TEAD4: variants seen among roughly 807,000 people sequenced by gnomAD.
TEAD4 encodes the protein TEA domain transcription factor 4, also known as transcriptional enhancer factor TEF-3.
Under a neutral mutation model 52.4 loss-of-function variants are expected in TEAD4, and 36 were observed. The ratio of observed to expected loss-of-function variants is 0.69; its 90% CI spans 0.53 to 0.91. The LOEUF is 0.91. Among genes scored for constraint, TEAD4 ranks in the 40% least tolerant of loss-of-function variants. The probability of loss-of-function intolerance (pLI) is 0.00; values close to 1 mark genes in which losing one functional copy is unlikely to be tolerated. For synonymous variants in TEAD4, 220 were observed against 231.0 expected, an observed-to-expected ratio of 0.95 and a Z score of 0.43; for missense variants, 508 against 583.9, an observed-to-expected ratio of 0.87 and a Z score of 1.34.
intron 10 of TEAD4, among the ~76,000 whole-genome samples, chr12:3,026,371 T>C (rs1490248553): frequency 6.6e-6 from 1 of 152,258 alleles, no homozygotes; most frequent in Non-Finnish European, 1.5e-5. Context: ...TAAATAGTTT[T>C]TCTTTCACAT....
chr12:2,980,957 C>T (rs2098233672), intron 2 of TEAD4, among the ~76,000 whole-genome samples: 1 of 152,132 alleles, frequency 6.6e-6, no homozygotes, highest in Admixed American at 6.6e-5. Context: ...CTCTTACTGG[C>T]TTTGGGCTGG....
In TEAD4 at chr12:3,017,383, C is replaced by T. The variant is rs1389596537; in HGVS notation, c.355-15C>T. ...GTGACCCTGCTGAGGTCCTCCCTTGCAATGTCTCCCCCAGGACCAGGCAGC... is the reference window on the plus strand; with the variant it reads ...GTGACCCTGCTGAGGTCCTCCCTTGTAATGTCTCCCCCAGGACCAGGCAGC... On this transcript the variant is annotated splice_polypyrimidine_tract_variant and intron_variant, in intron 5 of 12. Coordinates refer to ENST00000359864, the MANE Select transcript of TEAD4 (RefSeq NM_003213.4). The T allele has an allele frequency of 6.2e-7, 1 of 1,614,078 alleles. No homozygotes were observed.
chr12:2,968,609 A>C (rs757430543), intron 2 of TEAD4, among the ~76,000 whole-genome samples: 1 of 151,132 alleles, frequency 6.6e-6, no homozygotes, highest in African/African-American at 2.4e-5. Flanking sequence ...TTTTTCATAG[A>C]GACAGGATCT....
At chr12:3,023,790 CAA>C (rs71057878) in intron 10 of TEAD4, among the ~76,000 whole-genome samples, 8 of 132,024 alleles carry the variant, frequency 6.1e-5, no homozygotes, top group Non-Finnish European at 9.5e-5. Flanking sequence ...GAGACTGTCT[CAA>C]AAAAAAAAAA....
chr12:3,019,010 A>T, intron 7 of TEAD4, 105 bp from the exon 8 acceptor site: 1 of 1,427,918 alleles, frequency 7.0e-7, no homozygotes, highest in Non-Finnish European at 9.8e-7. Flanking sequence ...GGACCACTGA[A>T]ATCCAGACCA....
In TEAD4 at chr12:3,036,737, G is replaced by A. The variant is rs534936214; in HGVS notation, c.898-1231G>A. 9.5e-4 allele frequency among the ~76,000 whole-genome samples: 145 copies of A among 152,280 alleles called. 4 individuals are homozygous for A. The South Asian group carries it at 0.028, about 29-fold the overall frequency. On this transcript the variant is annotated intron_variant, in intron 10 of 12. Transcript: ENST00000359864. ...TTGTTCTCTTAGCACCCCTGGCTCA[G>A]ATGGGGTGATTTGATGTGGGGCTGG...
At chr12:3,018,949 C>G (rs60761208) in intron 7 of TEAD4, among the ~76,000 whole-genome samples, 166 bp from the exon 8 acceptor site, 312 of 152,146 alleles carry the variant, frequency 2.1e-3, no homozygotes, top group African/African-American at 6.8e-3. Flanking sequence ...GGACCCGCCA[C>G]GAAACCCAGG....
intron 2 of TEAD4, among the ~76,000 whole-genome samples, chr12:2,982,466 G>A (rs1054300430): frequency 6.6e-6 from 1 of 152,284 alleles, no homozygotes; most frequent in African/African-American, 2.4e-5. Context: ...TCTGTCCCCC[G>A]CCTCCAGCTC....
intron 7 of TEAD4, 125 bp from the exon 8 acceptor site, chr12:3,018,990 A>G (rs1364944482): frequency 1.4e-5 from 17 of 1,209,894 alleles, no homozygotes; most frequent in Non-Finnish European, 2.0e-5. Flanking sequence ...TAGGAGGCCA[A>G]GGCCCATCGG....
intron 5 of TEAD4, among the ~76,000 whole-genome samples, chr12:3,013,143 G>C (rs1261369501): frequency 6.6e-6 from 1 of 151,900 alleles, no homozygotes; most frequent in Middle Eastern, 3.2e-3. Context: ...ATAGAGATGA[G>C]GTCTCCCTAT....
At chr12:3,024,845 C>T (rs2098271073) in intron 10 of TEAD4, among the ~76,000 whole-genome samples, 1 of 151,910 alleles carries the variant, frequency 6.6e-6, no homozygotes, top group Non-Finnish European at 1.5e-5. Context: ...AATTTTTTTC[C>T]CCCAAATATT....
intron 10 of TEAD4, among the ~76,000 whole-genome samples, chr12:3,034,448 G>A (rs1341811698): frequency 6.6e-6 from 1 of 152,158 alleles, no homozygotes; most frequent in Non-Finnish European, 1.5e-5. Context: ...GTATCTGGAA[G>A]GGGGCAAGGA....
chr12:2,987,900 A>G (rs561198718), intron 2 of TEAD4, among the ~76,000 whole-genome samples: 11 of 151,536 alleles, frequency 7.3e-5, no homozygotes, highest in African/African-American at 2.2e-4. Flanking sequence ...CCCTGTCTCT[A>G]CTAAAAATAT....
chr12:3,000,596 C>T (rs2098250907), intron 3 of TEAD4, among the ~76,000 whole-genome samples: 1 of 152,218 alleles, frequency 6.6e-6, no homozygotes, highest in East Asian at 1.9e-4. Flanking sequence ...CCTGTCCATA[C>T]TGCCACATGG....
At chr12:2,987,975 G>A (rs922437032) in intron 2 of TEAD4, among the ~76,000 whole-genome samples, 24 of 151,838 alleles carry the variant, frequency 1.6e-4, no homozygotes, top group Admixed American at 1.6e-3. Flanking sequence ...GGCTGAGGCA[G>A]GAGAATCACT....
At chr12:2,975,478 T>A (rs775470735) in intron 2 of TEAD4, among the ~76,000 whole-genome samples, 1 of 150,878 alleles carries the variant, frequency 6.6e-6, no homozygotes, top group Non-Finnish European at 1.5e-5. Flanking sequence ...AACCTCTGCC[T>A]CCCAGATTCA....
chr12:2,982,228 A>C (rs1368480540), intron 2 of TEAD4, among the ~76,000 whole-genome samples: 1 of 152,184 alleles, frequency 6.6e-6, no homozygotes, highest in Non-Finnish European at 1.5e-5. Flanking sequence ...GGAGATCTTA[A>C]TAAAAGCCCA....
At chr12:3,032,428 G>A (rs1230607275) in intron 10 of TEAD4, among the ~76,000 whole-genome samples, 1 of 152,212 alleles carries the variant, frequency 6.6e-6, no homozygotes, top group Non-Finnish European at 1.5e-5. Context: ...TGGACAGGGG[G>A]CTGTGGTGTG....
intron 10 of TEAD4, among the ~76,000 whole-genome samples, chr12:3,032,398 G>C (rs991590886): frequency 4.6e-5 from 7 of 152,164 alleles, no homozygotes; most frequent in Non-Finnish European, 5.9e-5. Flanking sequence ...CGAGTCTCGG[G>C]GTCCTGGGAC....
Sources: gnomAD v4.1 joint callset for allele counts (sites outside exome capture counted in the v4.1 genomes callset) on GRCh38, gnomAD v4.1.1 for gene constraint, MANE v1.5 for transcripts, NCBI Gene and HGNC (gene_info 2026-07-23, HGNC 2026-07-21) for gene names.